ARHGEF18: variants seen among roughly 807,000 people sequenced by gnomAD.
ARHGEF18 encodes rho guanine nucleotide exchange factor 18.
A neutral mutation model predicts 155.7 loss-of-function variants in ARHGEF18; 93 were observed. That is an observed-to-expected ratio of 0.60 (90% CI 0.50 to 0.71). ARHGEF18 has a LOEUF of 0.71. Among genes scored for constraint, ARHGEF18 ranks in the 30% least tolerant of loss-of-function variants. The pLI is 0.00. For missense variants in ARHGEF18, 1,593 were observed against 1,816.1 expected (o/e 0.88, Z 2.23); for synonymous variants, 742 against 753.1 (o/e 0.99, Z 0.24).
chr19:7,362,013 GA>G (rs1568264330), intron 1 of ARHGEF18, among the ~76,000 whole-genome samples: 17 of 44,270 alleles, frequency 3.8e-4, no homozygotes, highest in Non-Finnish European at 3.4e-4. Context: ...AGAAGAAGAA[GA>G]AGGAGAAGGA....
At chr19:7,414,853 G>A (rs1378854877) in intron 10 of ARHGEF18, among the ~76,000 whole-genome samples, 1 of 151,576 alleles carries the variant, frequency 6.6e-6, no homozygotes. Flanking sequence ...AAATTAGCCG[G>A]GTGTGGGGGC....
intron 10 of ARHGEF18, among the ~76,000 whole-genome samples, chr19:7,392,102 G>A (rs1971434592): frequency 6.6e-6 from 1 of 151,734 alleles, no homozygotes; most frequent in African/African-American, 2.4e-5. Flanking sequence ...TTAGCCAGAT[G>A]TAGTGGCGGG....
At chr19:7,370,571 T>C (rs1164512004) in intron 2 of ARHGEF18, among the ~76,000 whole-genome samples, 2 of 152,158 alleles carry the variant, frequency 1.3e-5, no homozygotes, top group African/African-American at 4.8e-5. Flanking sequence ...ATTCCACTTC[T>C]GGGTATCTTC....
chr19:7,376,568 G>C, intron 4 of ARHGEF18, 75 bp from the exon 5 acceptor site: 1 of 963,188 alleles, frequency 1.0e-6, no homozygotes, highest in East Asian at 3.3e-5. Context: ...CTGTGGGTTG[G>C]GCCCCTCAAT....
intron 17 of ARHGEF18, 27 bp from the exon 18 acceptor site, chr19:7,456,300 A>G: frequency 3.1e-6 from 5 of 1,611,822 alleles, no homozygotes; most frequent in Non-Finnish European, 4.2e-6. Context: ...GACTTTTAAG[A>G]TGCATCCTTC....
chr19:7,369,493 G>T (rs1455185213), intron 2 of ARHGEF18, among the ~76,000 whole-genome samples: 2 of 150,172 alleles, frequency 1.3e-5, no homozygotes, highest in Admixed American at 6.7e-5. Context: ...AGGAAAGAAA[G>T]AAAGGAAAGT....
chr19:7,458,999 C>T (rs1001731699), intron 19 of ARHGEF18, among the ~76,000 whole-genome samples: 4 of 152,140 alleles, frequency 2.6e-5, no homozygotes, highest in African/African-American at 7.2e-5. Context: ...CTCCTTGGGC[C>T]GAGCACCCCT....
At chr19:7,457,353 C>CTTTTTTTTTTTTTTTTTT (rs1159186670) in intron 18 of ARHGEF18, among the ~76,000 whole-genome samples, 1 of 60,216 alleles carries the variant, frequency 1.7e-5, no homozygotes, top group African/African-American at 8.1e-5. Context: ...AATCACCTCT[C>CTTTTTTTTTTTTTTTTTT]TTTTTTTTTT....
chr19:7,370,589 A>T (rs1970159917), intron 2 of ARHGEF18, among the ~76,000 whole-genome samples: 2 of 152,178 alleles, frequency 1.3e-5, no homozygotes, highest in African/African-American at 4.8e-5. Context: ...TTCCCAGAAG[A>T]ACTGAGAGCA....
chr19:7,440,271 G>A lies in ARHGEF18; in HGVS notation c.968-73G>A. ...TGTGCTGCGGCCGCAGTCGGAGCGG[G>A]GCTTCCGCGCCGGGGACCTCCGCTA... On this transcript the variant is annotated intron_variant, in intron 10 of 28. Coordinates refer to ENST00000668164, the MANE Select transcript of ARHGEF18 (RefSeq NM_001367823.1). The surrounding 1 kb of genome is among the most constrained non-coding windows in gnomAD (Gnocchi z 5.4). 6.4e-7 allele frequency: 1 copy of A among 1,561,094 alleles called. No homozygotes were observed. The highest frequency in any genetic ancestry group is 1.2e-5 in the South Asian group (1 of 85,342).
chr19:7,473,634 A>G (rs933343477), downstream of ARHGEF18, among the ~76,000 whole-genome samples: 1 of 151,792 alleles, frequency 6.6e-6, no homozygotes, highest in Non-Finnish European at 1.5e-5. Flanking sequence ...ACAAGGTGAA[A>G]CCCCGTCTCA....
rs74176237 is a variant in ARHGEF18, at chr19:7,462,586, C to G, written c.2635+252C>G. On this transcript the variant is annotated intron_variant, in intron 21 of 28. Transcript: ENST00000668164. This position sits in a 1 kb window ranked among gnomAD's most constrained non-coding sequence, Gnocchi z 4.4. ...ACTTTCTCCCCGTTCAACAACCGCTCTGATGCTCCCTGCATGCAGAGGCTC... is the reference window on the plus strand; with the variant it reads ...ACTTTCTCCCCGTTCAACAACCGCTGTGATGCTCCCTGCATGCAGAGGCTC... Among the ~76,000 whole-genome samples the G allele has an allele frequency of 6.6e-6, 1 of 152,236 alleles. No homozygotes were observed. The highest frequency in any genetic ancestry group is 2.4e-5 in the African/African-American group (1 of 41,478).
At chr19:7,376,524 G>C (rs1970468607) in intron 4 of ARHGEF18, 119 bp from the exon 5 acceptor site, 1 of 500,766 alleles carries the variant, frequency 2.0e-6, no homozygotes, top group African/African-American at 2.0e-5. Context: ...GCTTGGATGA[G>C]TGTGTCACCC....
intron 10 of ARHGEF18, among the ~76,000 whole-genome samples, chr19:7,397,438 A>T (rs867940385): frequency 6.6e-6 from 1 of 151,856 alleles, no homozygotes; most frequent in African/African-American, 2.4e-5. Context: ...GCTAATTTTT[A>T]AAAATTTTTT....
At chr19:7,354,471 A>C (rs1969234472) in intron 1 of ARHGEF18, among the ~76,000 whole-genome samples, 1 of 152,066 alleles carries the variant, frequency 6.6e-6, no homozygotes, top group African/African-American at 2.4e-5. Context: ...AGGAGCTGGG[A>C]TTTGAAGCCA....
intron 20 of ARHGEF18, among the ~76,000 whole-genome samples, chr19:7,461,872 C>T (rs75664117): frequency 0.033 from 5,008 of 152,194 alleles, 253 homozygotes; most frequent in East Asian, 0.14. Context: ...AGGCTGGTCT[C>T]GAACTCCAGG....
rs1974524430 is a variant in ARHGEF18, at chr19:7,440,039, G to A, written c.968-305G>A. 2 of 1,550,712 alleles carry A rather than the reference G, an allele frequency of 1.3e-6. No homozygotes were observed. Among genetic ancestry groups the A allele is most frequent in the Non-Finnish European group, 1.7e-6 (2 of 1,146,830 alleles). ...CTCTGTTTTCTAGAAGGATCCCACC[G>A]AGGCATAAAAACGGCGCAGCCCAGC... On this transcript the variant is annotated intron_variant, in intron 10 of 28. Coordinates refer to ENST00000668164, the MANE Select transcript of ARHGEF18 (RefSeq NM_001367823.1). This position sits in a 1 kb window ranked among gnomAD's most constrained non-coding sequence, Gnocchi z 5.4.
intron 10 of ARHGEF18, among the ~76,000 whole-genome samples, chr19:7,391,822 C>G (rs1232413783): frequency 7.1e-6 from 1 of 140,182 alleles, no homozygotes; most frequent in Non-Finnish European, 1.6e-5. Flanking sequence ...AGGAGACCAC[C>G]CCTGCCACCA....
chr19:7,443,972 C>T (rs529867035), intron 13 of ARHGEF18, among the ~76,000 whole-genome samples: 2 of 152,228 alleles, frequency 1.3e-5, no homozygotes, highest in South Asian at 2.1e-4. Flanking sequence ...AAAACCCTCC[C>T]GTGATGGGGA....
Sources: gnomAD v4.1 joint callset for allele counts (sites outside exome capture counted in the v4.1 genomes callset) on GRCh38, gnomAD v4.1.1 for gene constraint, Gnocchi (gnomAD v3.1) non-coding constraint, MANE v1.5 for transcripts, NCBI Gene and HGNC (gene_info 2026-07-23, HGNC 2026-07-21) for gene names.